SGMS1: variants seen among roughly 807,000 people sequenced by gnomAD.
The protein encoded by SGMS1 is phosphatidylcholine:ceramide cholinephosphotransferase 1.
In SGMS1, 13 loss-of-function variants were observed where a neutral mutation model predicts 46.2. That is an observed-to-expected ratio of 0.28 (90% confidence interval 0.18 to 0.45). SGMS1 has a LOEUF of 0.45. Ranked by LOEUF, SGMS1 falls within the 20% of genes least tolerant of loss-of-function variation. SGMS1 has a pLI of 1.00. For missense variants in SGMS1, 324 were observed against 519.9 expected (o/e 0.62, Z 3.66); for synonymous variants, 203 against 187.8 (o/e 1.08, Z -0.66).
At chr10:50,490,736 C>T (rs1278707629) in intron 3 of SGMS1, among the ~76,000 whole-genome samples, 2 of 152,146 alleles carry the variant, frequency 1.3e-5, no homozygotes, top group African/African-American at 4.8e-5. Flanking sequence ...TCTCCAATTT[C>T]CTCATCCATA....
At chr10:50,317,965 G>C (rs1375498465) in intron 8 of SGMS1, among the ~76,000 whole-genome samples, 1 of 152,036 alleles carries the variant, frequency 6.6e-6, no homozygotes, top group South Asian at 2.1e-4. Flanking sequence ...CGCCACACCC[G>C]GCTAATTTTT....
At chr10:50,443,676 TAG>T (rs1849573114) in intron 5 of SGMS1, among the ~76,000 whole-genome samples, 1 of 152,040 alleles carries the variant, frequency 6.6e-6, no homozygotes, top group Non-Finnish European at 1.5e-5. Flanking sequence ...ATACCAGATA[TAG>T]ATGTAAACCC....
chr10:50,579,376 C>A (rs1838413708), intron 2 of SGMS1, among the ~76,000 whole-genome samples: 1 of 151,816 alleles, frequency 6.6e-6, no homozygotes, highest in African/African-American at 2.4e-5. Flanking sequence ...TGATACACTT[C>A]AAGAAAATTT....
intron 5 of SGMS1, among the ~76,000 whole-genome samples, chr10:50,444,480 G>C (rs1319554685): frequency 1.3e-5 from 2 of 152,156 alleles, no homozygotes; most frequent in Non-Finnish European, 2.9e-5. Flanking sequence ...TTCTGACCAA[G>C]ATGTCAAAAT....
intron 1 of SGMS1, among the ~76,000 whole-genome samples, chr10:50,616,334 C>T (rs1453361566): frequency 6.6e-6 from 1 of 152,120 alleles, no homozygotes; most frequent in African/African-American, 2.4e-5. Context: ...CAGGGACTCA[C>T]CGTGTTGCCC....
intron 3 of SGMS1, among the ~76,000 whole-genome samples, chr10:50,502,879 A>C (rs1486982321): frequency 6.6e-6 from 1 of 152,218 alleles, no homozygotes; most frequent in Admixed American, 6.5e-5. Flanking sequence ...ACCCAAAAAA[A>C]ATTCTCAGCA....
chr10:50,441,740 T>C (rs1224329012), intron 5 of SGMS1, among the ~76,000 whole-genome samples: 1 of 152,272 alleles, frequency 6.6e-6, no homozygotes, highest in Non-Finnish European at 1.5e-5. Context: ...CCTTTTCTAT[T>C]GGAGCATCCT....
chr10:50,547,876 G>C (rs1838115079), intron 2 of SGMS1, among the ~76,000 whole-genome samples: 1 of 152,182 alleles, frequency 6.6e-6, no homozygotes, highest in Non-Finnish European at 1.5e-5. Context: ...TGGGATGCAA[G>C]TTTGGTTCAA....
intron 6 of SGMS1, among the ~76,000 whole-genome samples, chr10:50,390,294 C>T (rs895896701): frequency 6.6e-6 from 1 of 152,156 alleles, no homozygotes; most frequent in African/African-American, 2.4e-5. Context: ...TGATGTTTCT[C>T]TTTGGGAGAA....
intron 2 of SGMS1, among the ~76,000 whole-genome samples, chr10:50,574,780 T>C (rs1214222067): frequency 6.6e-6 from 1 of 151,724 alleles, no homozygotes; most frequent in African/African-American, 2.4e-5. Context: ...TGTGGTACCG[T>C]AGGAAGATGT....
At chr10:50,369,442 G>A (rs1447883706) in intron 6 of SGMS1, among the ~76,000 whole-genome samples, 1 of 152,138 alleles carries the variant, frequency 6.6e-6, no homozygotes, top group Non-Finnish European at 1.5e-5. Flanking sequence ...AGGCTGCAGT[G>A]AGCCATGTTT....
At chr10:50,613,234 G>C (rs1838766668) in intron 1 of SGMS1, among the ~76,000 whole-genome samples, 1 of 152,350 alleles carries the variant, frequency 6.6e-6, no homozygotes, top group Non-Finnish European at 1.5e-5. Flanking sequence ...TGCTGACACA[G>C]GGAAACTGGG....
At chr10:50,520,496 G>A (rs1185102264) in intron 2 of SGMS1, among the ~76,000 whole-genome samples, 1 of 152,156 alleles carries the variant, frequency 6.6e-6, no homozygotes, top group Non-Finnish European at 1.5e-5. Flanking sequence ...AAGATCTTGA[G>A]AACAGACTAG....
At chr10:50,378,765 C>T (rs924120368) in intron 6 of SGMS1, among the ~76,000 whole-genome samples, 1 of 152,130 alleles carries the variant, frequency 6.6e-6, no homozygotes, top group Non-Finnish European at 1.5e-5. Context: ...GGAGTACTTT[C>T]TCTTAATTGA....
chr10:50,525,719 C>T (rs1456019347), intron 2 of SGMS1, among the ~76,000 whole-genome samples: 3 of 152,206 alleles, frequency 2.0e-5, no homozygotes, highest in African/African-American at 7.2e-5. Context: ...CTACCACTTA[C>T]CATCATTTTA....
chr10:50,317,251 C>A (rs1189795969), intron 8 of SGMS1, among the ~76,000 whole-genome samples: 1 of 152,202 alleles, frequency 6.6e-6, no homozygotes, highest in East Asian at 1.9e-4. Context: ...CTGCCTCTTA[C>A]AATTTCTCCG....
rs553464956 is a variant in SGMS1, at chr10:50,357,840, C to T, written c.-231-13495G>A. ...ACTCAAGATTGAACAAACAAGCTGGCGTATCAGTGAAGAAAGTACTGAGAA... is the reference window on the plus strand; with the variant it reads ...ACTCAAGATTGAACAAACAAGCTGGTGTATCAGTGAAGAAAGTACTGAGAA... On this transcript the variant is annotated intron_variant, in intron 6 of 10. Transcript: ENST00000361781. Among the ~76,000 whole-genome samples, 13 of 152,204 alleles carry T rather than the reference C, an allele frequency of 8.5e-5. No homozygotes were observed. The South Asian group carries it at 2.3e-3, about 27-fold the overall frequency.
chr10:50,614,290 A>G (rs1426693471), intron 1 of SGMS1, among the ~76,000 whole-genome samples: 3 of 152,182 alleles, frequency 2.0e-5, no homozygotes, highest in South Asian at 2.1e-4. Context: ...ACCACTGGTG[A>G]GCAGGAAAAG....
At chr10:50,593,443 A>G (rs1399142540) in intron 1 of SGMS1, among the ~76,000 whole-genome samples, 2 of 152,184 alleles carry the variant, frequency 1.3e-5, no homozygotes. Flanking sequence ...ATCAACATAT[A>G]TAGGTGTAAA....
Sources: gnomAD v4.1 joint callset for allele counts (sites outside exome capture counted in the v4.1 genomes callset) on GRCh38, gnomAD v4.1.1 for gene constraint, MANE v1.5 for transcripts, NCBI Gene and HGNC (gene_info 2026-07-23, HGNC 2026-07-21) for gene names.